Variants in ATF2 observed in about 807,000 individuals in gnomAD.
ATF2 encodes the protein cyclic AMP-dependent transcription factor ATF-2.
Under a neutral mutation model 60.6 loss-of-function variants are expected in ATF2, and 24 were observed. That is an observed-to-expected ratio of 0.40 (90% confidence interval 0.29 to 0.56). The LOEUF is 0.56. Among genes scored for constraint, ATF2 ranks in the 20% least tolerant of loss-of-function variants. ATF2 has a pLI of 0.54. For synonymous variants in ATF2, 206 were observed against 215.4 expected (o/e 0.96, Z 0.38); for missense variants, 433 against 607.7 (o/e 0.71, Z 3.02).
intron 1 of ATF2, among the ~76,000 whole-genome samples, chr2:175,160,148 G>A (rs755934826): frequency 2.6e-5 from 4 of 152,196 alleles, no homozygotes; most frequent in Non-Finnish European, 4.4e-5. Context: ...GCTTTGTGAA[G>A]CTGAGATGGG....
In ATF2 at chr2:175,114,878, A is replaced by G. The variant is rs1199361791; in HGVS notation, c.448-10T>C. 1.9e-6 allele frequency: 3 copies of G among 1,605,768 alleles called. No individual in the cohort carries two copies. Among genetic ancestry groups the G allele is most frequent in the Middle Eastern group, 1.7e-4 (1 of 6,042 alleles). On this transcript the variant is annotated splice_polypyrimidine_tract_variant and intron_variant, in intron 7 of 13. Transcript: ENST00000264110. The stretch of plus-strand genomic sequence containing the variant: ...GTGCCAATGGTACTTCCTATTTAAC[A>G]ATGAGATAAAAAAGGGTGGCATTTA...
At chr2:175,128,654 A>G (rs939541884) in intron 4 of ATF2, among the ~76,000 whole-genome samples, 2 of 152,162 alleles carry the variant, frequency 1.3e-5, no homozygotes, top group African/African-American at 2.4e-5. Flanking sequence ...ATTTCTGACA[A>G]GTCACAGAAA....
At chr2:175,114,540 A>C (rs1696418123) in intron 8 of ATF2, 150 bp downstream of exon 8, 3 of 1,357,672 alleles carry the variant, frequency 2.2e-6, no homozygotes, top group Non-Finnish European at 2.9e-6. Flanking sequence ...ATATTAAAGA[A>C]GACTACGCAA....
chr2:175,110,354 A>T (rs928249269), intron 10 of ATF2, among the ~76,000 whole-genome samples: 2 of 152,054 alleles, frequency 1.3e-5, no homozygotes, highest in African/African-American at 4.8e-5. Context: ...ATAAATAAAT[A>T]AATTCAGCTC....
Position 175,118,132 on chromosome 2 carries a change from A to C in ATF2, c.319-14T>G. 6.2e-7 allele frequency: 1 copy of C among 1,607,014 alleles called. No homozygotes were observed. The highest frequency in any genetic ancestry group is 1.1e-5 in the South Asian group (1 of 90,058). On this transcript the variant is annotated splice_polypyrimidine_tract_variant and intron_variant, in intron 6 of 13. Transcript: ENST00000264110. ...ATCTAGAGGCATCTATAATTCAAAT[A>C]ATAAGGAAAAGGTTATAAGTTCAAA... is the stretch of plus-strand genomic sequence containing the variant.
At chr2:175,086,388 G>A (rs1182051949) in intron 12 of ATF2, among the ~76,000 whole-genome samples, 2 of 152,158 alleles carry the variant, frequency 1.3e-5, no homozygotes, top group East Asian at 3.8e-4. Context: ...AGGCATGAGG[G>A]TGGGCCAAAC....
intron 13 of ATF2, among the ~76,000 whole-genome samples, chr2:175,079,777 C>G (rs773053820): frequency 6.6e-6 from 1 of 152,040 alleles, no homozygotes; most frequent in Admixed American, 6.6e-5. Flanking sequence ...CTGACACTGG[C>G]AAATTAAAAT....
intron 1 of ATF2, among the ~76,000 whole-genome samples, chr2:175,156,221 A>G (rs1489957548): frequency 1.3e-5 from 2 of 151,838 alleles, no homozygotes; most frequent in East Asian, 3.9e-4. Flanking sequence ...AAATACAAAA[A>G]TTAGCCAGGC....
Position 175,072,478 on chromosome 2 carries a change from A to G in ATF2, c.*2131T>C, listed in dbSNP as rs1206817948. On this transcript the variant is annotated 3_prime_UTR_variant, in exon 14 of 14. Coordinates refer to ENST00000264110, the MANE Select transcript of ATF2 (RefSeq NM_001880.4). ...CTGATTTACAATGAAAGTTTTGCTA[A>G]CCTTGGTAAGCTTGTTAACCGTTTA... 6 of 152,174 alleles carry G rather than the reference A, an allele frequency of 3.9e-5. No individual in the cohort carries two copies. Among genetic ancestry groups the G allele is most frequent in the Admixed American group, 2.6e-4 (4 of 15,260 alleles). 9.4% of individuals were successfully genotyped at this position (152,174 alleles called of 1,614,324 possible).
chr2:175,134,777 A>G (rs2105761902), intron 3 of ATF2, among the ~76,000 whole-genome samples: 1 of 152,128 alleles, frequency 6.6e-6, no homozygotes, highest in Admixed American at 6.5e-5. Flanking sequence ...TGAGCCCAGG[A>G]GTTCAAGACT....
At position 175,115,075 on chromosome 2, in the gene ATF2, C is replaced by A. The variant is rs71419420; in HGVS notation, c.448-207G>T. Among the ~76,000 whole-genome samples, 198 of 144,194 alleles carry A rather than the reference C, an allele frequency of 1.4e-3. 2 individuals are homozygous for A. The highest frequency in any genetic ancestry group is 0.011 in the South Asian group (51 of 4,612). 94.6% of individuals were successfully genotyped at this position (144,194 alleles called of 152,430 possible). A position where few individuals can be genotyped will look rare whatever the true frequency, so the allele number is the denominator to read the frequency against. ...AATTAATATTTTAATTTTAAAAAGA[C>A]TCGTTTTTTTTTTTTCCAGTACAAC... On this transcript the variant is annotated intron_variant, in intron 7 of 13. Coordinates refer to ENST00000264110, the MANE Select transcript of ATF2 (RefSeq NM_001880.4).
intron 13 of ATF2, among the ~76,000 whole-genome samples, chr2:175,079,289 T>C (rs1325351734): frequency 6.6e-6 from 1 of 152,172 alleles, no homozygotes; most frequent in Non-Finnish European, 1.5e-5. Flanking sequence ...TTAATTTCCT[T>C]TTAATTTTAT....
At position 175,072,694 on chromosome 2, in the gene ATF2, G is replaced by A. The variant is rs976165560; in HGVS notation, c.*1915C>T. The stretch of plus-strand genomic sequence containing the variant: ...CCTTCTTGCAGAATTCATATTTTGT[G>A]CCTTTGAGATAACTCCTTAGAATAA... On this transcript the variant is annotated 3_prime_UTR_variant, in exon 14 of 14. Coordinates refer to ENST00000264110, the MANE Select transcript of ATF2 (RefSeq NM_001880.4). The A allele has an allele frequency of 6.6e-6, 1 of 152,012 alleles. No individual in the cohort carries two copies. Among genetic ancestry groups the A allele is most frequent in the African/African-American group, 2.4e-5 (1 of 41,392 alleles). The allele number at this position is 152,012 out of a possible 1,614,324, so 9.4% of individuals were successfully genotyped here.
At chr2:175,167,405 G>C (rs1037373393) in intron 1 of ATF2, among the ~76,000 whole-genome samples, 2 of 152,046 alleles carry the variant, frequency 1.3e-5, no homozygotes, top group South Asian at 2.1e-4. Context: ...GCTGGGGGTA[G>C]CGGGATTGTG....
intron 9 of ATF2, among the ~76,000 whole-genome samples, chr2:175,112,619 T>A (rs946102329): frequency 3.3e-5 from 5 of 152,236 alleles, no homozygotes; most frequent in Non-Finnish European, 5.9e-5. Context: ...AGGTCTTACT[T>A]TGTTGCCCAG....
intron 12 of ATF2, among the ~76,000 whole-genome samples, chr2:175,082,844 T>C (rs1482301861): frequency 6.6e-6 from 1 of 152,224 alleles, no homozygotes; most frequent in Non-Finnish European, 1.5e-5. Context: ...CTAAATATTT[T>C]ATTTAAGTGT....
chr2:175,158,987 G>A (rs1193334946), intron 1 of ATF2, among the ~76,000 whole-genome samples: 2 of 151,774 alleles, frequency 1.3e-5, no homozygotes, highest in African/African-American at 4.8e-5. Context: ...TTATTTTTAA[G>A]GCCAGAAACT....
At chr2:175,128,722 T>C (rs1218117918) in intron 4 of ATF2, among the ~76,000 whole-genome samples, 3 of 151,952 alleles carry the variant, frequency 2.0e-5, no homozygotes, top group African/African-American at 7.2e-5. Context: ...ATTAGAAACA[T>C]CTGCTCATCA....
intron 12 of ATF2, among the ~76,000 whole-genome samples, chr2:175,084,410 C>T (rs966286801): frequency 2.7e-5 from 4 of 145,652 alleles, no homozygotes; most frequent in African/African-American, 1.0e-4. Flanking sequence ...AACCAAACAC[C>T]ACATGTTCTC....
Sources: gnomAD v4.1 joint callset for allele counts (sites outside exome capture counted in the v4.1 genomes callset) on GRCh38, gnomAD v4.1.1 for gene constraint, MANE v1.5 for transcripts, NCBI Gene and HGNC (gene_info 2026-07-23, HGNC 2026-07-21) for gene names.